Variants in GAS6 observed in about 807,000 individuals in gnomAD.
The protein encoded by GAS6 is growth arrest-specific protein 6.
Under a neutral mutation model 75.8 loss-of-function variants are expected in GAS6, and 41 were observed. The observed-to-expected ratio is 0.54, with a 90% CI of 0.42 to 0.70. GAS6 has a LOEUF of 0.70. Among genes scored for constraint, GAS6 ranks in the 30% least tolerant of loss-of-function variants. The pLI, the probability that GAS6 is intolerant of heterozygous loss-of-function variation, is 0.00. For missense variants in GAS6, 854 were observed against 940.2 expected, an observed-to-expected ratio of 0.91 and a Z score of 1.20; for synonymous variants, 432 against 412.6, an observed-to-expected ratio of 1.05 and a Z score of -0.57.
At chr13:113,847,725 C>G (rs1206884803) in intron 3 of GAS6, 4 of 421,576 alleles carry the variant, frequency 9.5e-6, no homozygotes, top group Non-Finnish European at 1.7e-5. Context: ...GGTCAGAAAA[C>G]CGGAGGACAA....
At chr13:113,835,705 C>T in intron 6 of GAS6, 70 bp from the exon 7 acceptor site, 1 of 1,573,752 alleles carries the variant, frequency 6.4e-7, no homozygotes, top group Non-Finnish European at 8.6e-7. Flanking sequence ...CAGGCGGCTG[C>T]AGGGACTGGC....
Position 113,863,663 on chromosome 13 carries a change from G to C in GAS6, c.167C>G (p.Ala56Gly), listed in dbSNP as rs1187215400. The change falls in exon 2 of 15, where the codon GCC (alanine) becomes GGC (glycine). Residue 56 changes from alanine to glycine, a missense_variant. By Grantham distance (60) the Ala-to-Gly change is moderately conservative. Coordinates refer to ENST00000327773, the MANE Select transcript of GAS6 (RefSeq NM_000820.4). The surrounding 1 kb of genome is among the most constrained non-coding windows in gnomAD (Gnocchi z 9.4). ...CTCCCTCTCCAGGTGGCCCTGCTTG[G>C]CCTCCTCGAAGACCTGAAAGGCGCG... ...QRRAFQVFEE[A>G]KQGHLERECV... 1.3e-6 allele frequency: 2 copies of C among 1,522,062 alleles called. No homozygotes were observed. The highest frequency in any genetic ancestry group is 1.8e-6 in the Non-Finnish European group (2 of 1,134,882). 94.3% of individuals were successfully genotyped at this position (1,522,062 alleles called of 1,614,324 possible).
At chr13:113,822,823 C>T (rs2051478639) in intron 13 of GAS6, 1 of 153,398 alleles carries the variant, frequency 6.5e-6, no homozygotes, top group South Asian at 2.1e-4. Context: ...AGAATAAAAG[C>T]TGTTTCTGTC....
intron 13 of GAS6, chr13:113,822,495 C>A: frequency 3.5e-6 from 1 of 282,380 alleles, no homozygotes; most frequent in Non-Finnish European, 6.6e-6. Context: ...AAGACCGAGG[C>A]TGCACTTGAC....
intron 12 of GAS6, among the ~76,000 whole-genome samples, chr13:113,825,953 G>A (rs1000678950): frequency 2.6e-5 from 4 of 152,294 alleles, no homozygotes; most frequent in East Asian, 1.9e-4. Flanking sequence ...CGGAGGGGGC[G>A]CTGCCTGCCC....
rs373824746 is a variant in GAS6 at position 113,858,573 on chromosome 13, ATGTC to A, written c.255+4998_255+5001del. ...TGCTAGTATGTGCCTTTGTGTGTGC[ATGTC>A]TGTGTGTGACTGTGTACGTATGTGT... On this transcript the variant is annotated intron_variant, in intron 2 of 14. Transcript: ENST00000327773. Among the ~76,000 whole-genome samples, 685 of 145,154 alleles carry A rather than the reference ATGTC, an allele frequency of 4.7e-3. 15 individuals carry two copies. The highest frequency in any genetic ancestry group is 0.016 in the African/African-American group (624 of 37,860).
Position 113,820,604 on chromosome 13 carries a change from G to T in GAS6, c.*260C>A. Reference sequence around the variant, plus strand: ...CCATATTTTAGAGTCAGAAAGAAGCGCTTGGTAATAAAAATAATAGAGAAT... The same window carrying T: ...CCATATTTTAGAGTCAGAAAGAAGCTCTTGGTAATAAAAATAATAGAGAAT... On this transcript the variant is annotated 3_prime_UTR_variant, in exon 15 of 15. Coordinates refer to ENST00000327773, the MANE Select transcript of GAS6 (RefSeq NM_000820.4). 1 of 464,650 alleles carries T rather than the reference G, an allele frequency of 2.2e-6. No homozygotes were observed. Among genetic ancestry groups the T allele is most frequent in the South Asian group, 5.1e-5 (1 of 19,800 alleles). The allele number at this position is 464,650 out of a possible 1,614,324, so 28.8% of individuals were successfully genotyped here. A position where few individuals can be genotyped will look rare whatever the true frequency, so the allele number is the denominator to read the frequency against.
At position 113,826,658 on chromosome 13, in the gene GAS6, G is replaced by A. The variant is rs1262944859; in HGVS notation, c.1477+338C>T. Among the ~76,000 whole-genome samples the A allele has an allele frequency of 2.3e-4, 25 of 108,706 alleles. 4 individuals carry two copies. The highest frequency in any genetic ancestry group is 4.8e-4 in the African/African-American group (11 of 23,102). The allele number at this position is 108,706 out of a possible 152,430, so 71.3% of individuals were successfully genotyped here. On this transcript the variant is annotated intron_variant, in intron 12 of 14. Coordinates refer to ENST00000327773, the MANE Select transcript of GAS6 (RefSeq NM_000820.4). ...CTTCTCTCCCCGGCCTCCTGGCGCC[G>A]GCCTCGCAGGCACCTTCTCTCCCCC...
intron 4 of GAS6, chr13:113,842,371 C>T (rs1369366087): frequency 2.6e-6 from 1 of 390,690 alleles, no homozygotes; most frequent in Non-Finnish European, 4.5e-6. Flanking sequence ...CTCTGAAGCA[C>T]ACAGGGGCTG....
chr13:113,828,513 G>A (rs761276044), intron 11 of GAS6, 34 bp downstream of exon 11: 28 of 1,588,046 alleles, frequency 1.8e-5, no homozygotes, highest in Non-Finnish European at 1.5e-5. Flanking sequence ...CCCAGCACAC[G>A]GCGCGTCTAC....
chr13:113,858,956 A>C (rs1448200725), intron 2 of GAS6, among the ~76,000 whole-genome samples: 2 of 142,528 alleles, frequency 1.4e-5, no homozygotes, highest in African/African-American at 5.4e-5. Flanking sequence ...ATGTGTGTAC[A>C]TGTCTGTGTG....
At chr13:113,832,596 A>G (rs1018868205) in intron 9 of GAS6, 38 bp downstream of exon 9, 75 of 1,611,428 alleles carry the variant, frequency 4.7e-5, no homozygotes, top group Non-Finnish European at 6.3e-5. Flanking sequence ...TGTCTTGGCC[A>G]TTCTAAGTTG....
In GAS6 at chr13:113,842,401, C is replaced by T. The variant is rs373849988; in HGVS notation, c.344-2551G>A. 980 of 393,608 alleles carry T rather than the reference C, an allele frequency of 2.5e-3. 88 individuals are homozygous for T. Among genetic ancestry groups the T allele is most frequent in the African/African-American group, 0.018 (826 of 46,902 alleles). The allele number at this position is 393,608 out of a possible 1,614,324, so 24.4% of individuals were successfully genotyped here. On this transcript the variant is annotated intron_variant, in intron 4 of 14. Transcript: ENST00000327773. ...GGGCTGGGGCTGGCCTTCGGAGTTA[C>T]GAGGAAACGAGGACCAGGACCAGGG...
Position 113,820,832 on chromosome 13 carries a change from A to T in GAS6, c.*32T>A, listed in dbSNP as rs2051444232. 6.3e-7 allele frequency: 1 copy of T among 1,599,730 alleles called. No individual in the cohort carries two copies. The highest frequency in any genetic ancestry group is 1.3e-5 in the African/African-American group (1 of 74,714). Reference sequence around the variant, plus strand: ...GGCTCCTCCCGGCTGTCTCGGACAGAGACTGAGAAGCCTGCCGCGTCCCGT... The same window carrying T: ...GGCTCCTCCCGGCTGTCTCGGACAGTGACTGAGAAGCCTGCCGCGTCCCGT... On this transcript the variant is annotated 3_prime_UTR_variant, in exon 15 of 15. Transcript: ENST00000327773.
intron 2 of GAS6, among the ~76,000 whole-genome samples, chr13:113,854,271 G>T (rs929152694): frequency 1.9e-4 from 29 of 152,252 alleles, no homozygotes; most frequent in African/African-American, 6.5e-4. Flanking sequence ...CACCGACGTG[G>T]TGCCTGACCC....
At chr13:113,846,427 A>T in intron 4 of GAS6, 100 bp downstream of exon 4, 1 of 994,922 alleles carries the variant, frequency 1.0e-6, no homozygotes, top group Non-Finnish European at 1.5e-6. Context: ...ACAGCTCCTT[A>T]AAAAACAGAA....
At chr13:113,822,252 T>C (rs1281693965) in intron 13 of GAS6, 66 bp from the exon 14 acceptor site, 4 of 1,283,448 alleles carry the variant, frequency 3.1e-6, no homozygotes, top group South Asian at 1.5e-5. Flanking sequence ...AGGTCCAAGC[T>C]GGTCCTCACA....
intron 10 of GAS6, 138 bp from the exon 11 acceptor site, chr13:113,828,849 C>T (rs1171640680): frequency 1.7e-5 from 15 of 875,772 alleles, no homozygotes; most frequent in Non-Finnish European, 2.4e-5. Flanking sequence ...TCACCTGGGC[C>T]AAGAGGGTCC....
chr13:113,826,180 C>T (rs2051535773), intron 12 of GAS6, among the ~76,000 whole-genome samples: 1 of 152,200 alleles, frequency 6.6e-6, no homozygotes, highest in Non-Finnish European at 1.5e-5. Context: ...ACCCTGTCCT[C>T]CCTTTTTCAG....
Sources: gnomAD v4.1 joint callset for allele counts (sites outside exome capture counted in the v4.1 genomes callset) on GRCh38, gnomAD v4.1.1 for gene constraint, Gnocchi (gnomAD v3.1) non-coding constraint, MANE v1.5 for transcripts, NCBI Gene and HGNC (gene_info 2026-07-23, HGNC 2026-07-21) for gene names.